NUP188: variants seen among roughly 807,000 people sequenced by gnomAD.
The protein encoded by NUP188 is nucleoporin NUP188.
In NUP188, 97 loss-of-function variants were observed where a neutral mutation model predicts 223.0. The ratio of observed to expected loss-of-function variants is 0.43; its 90% CI spans 0.37 to 0.51. The LOEUF (loss-of-function observed/expected upper bound fraction) is 0.51. Ranked by LOEUF, NUP188 falls within the 20% of genes least tolerant of loss-of-function variation. The pLI is 0.00. For missense variants in NUP188, 1,947 were observed against 2,175.6 expected (o/e 0.89, Z 2.09); for synonymous variants, 869 against 828.0 (o/e 1.05, Z -0.85).
At position 128,979,263 on chromosome 9, in the gene NUP188, A is replaced by G. The variant is rs185388689; in HGVS notation, c.1205A>G (p.Asp402Gly). The change falls in exon 13 of 44, where the codon GAT becomes GGT. Residue 402 changes from aspartate (D) to glycine (G), a missense_variant and splice_region_variant. Coordinates refer to ENST00000372577, the MANE Select transcript of NUP188 (RefSeq NM_015354.3). ...LELHTLGNQQ[D>G]IIDTACEVLA... is the part of the protein sequence containing the mutation. ...ATTTTTCTTCCCTTCCTCAAACAGG[A>G]TATAATTGATACAGCATGTGAAGTA... 9.4e-5 allele frequency: 152 copies of G among 1,609,818 alleles called. No homozygotes were observed. In the East Asian group the frequency reaches 3.1e-3, roughly 33 times the overall value.
At chr9:128,985,127 A>G (rs770924867) in intron 20 of NUP188, 113 bp downstream of exon 20, 2 of 711,548 alleles carry the variant, frequency 2.8e-6, no homozygotes, top group African/African-American at 1.8e-5. Flanking sequence ...GTCTGTAGGC[A>G]GAATAGTCAT....
chr9:128,999,026 T>C (rs1842586404), intron 32 of NUP188, 146 bp from the exon 33 acceptor site: 1 of 617,098 alleles, frequency 1.6e-6, no homozygotes, highest in Non-Finnish European at 2.8e-6. Flanking sequence ...CTAATTTTTG[T>C]ATTTTTAGTA....
chr9:128,979,219 C>A, intron 12 of NUP188, 43 bp from the exon 13 acceptor site: 2 of 1,391,782 alleles, frequency 1.4e-6, no homozygotes, highest in South Asian at 2.3e-5. Flanking sequence ...TAGACTGGTT[C>A]AGCTAGGGAA....
At chr9:129,005,055 T>G in intron 38 of NUP188, 92 bp from the exon 39 acceptor site, 1 of 826,214 alleles carries the variant, frequency 1.2e-6, no homozygotes, top group East Asian at 2.5e-5. Context: ...GAGGAGCGCA[T>G]GGGTGTTACA....
At chr9:128,965,175 T>TC (rs1333150743) in intron 8 of NUP188, among the ~76,000 whole-genome samples, 1 of 152,142 alleles carries the variant, frequency 6.6e-6, no homozygotes, top group African/African-American at 2.4e-5. Context: ...AAAATTTTTT[T>TC]ATCTCTTTTT....
intron 33 of NUP188, 133 bp downstream of exon 33, chr9:128,999,450 C>T: frequency 7.6e-7 from 1 of 1,308,800 alleles, no homozygotes; most frequent in African/African-American, 1.5e-5. Flanking sequence ...GAATTCTTAC[C>T]CCAAGAAAGC....
At chr9:128,973,896 G>GTTTA (rs945350751) in intron 12 of NUP188, among the ~76,000 whole-genome samples, 1 of 151,902 alleles carries the variant, frequency 6.6e-6, no homozygotes, top group East Asian at 1.9e-4. Context: ...TAAAATTTCT[G>GTTTA]TTTATTTATT....
chr9:128,966,248 CTGTCTCTG>C (rs368856974), intron 8 of NUP188, among the ~76,000 whole-genome samples: 5 of 128,694 alleles, frequency 3.9e-5, no homozygotes, highest in African/African-American at 1.5e-4. Context: ...CTGTCTCTGT[CTGTCTCTG>C]TGTCTGTGTG....
chr9:128,970,649 G>A, intron 10 of NUP188, 109 bp from the exon 11 acceptor site: 1 of 841,762 alleles, frequency 1.2e-6, no homozygotes, highest in Non-Finnish European at 2.0e-6. Context: ...CAGAATGAGA[G>A]AGTGAGGCCA....
At chr9:128,975,565 G>A (rs1473033225) in intron 12 of NUP188, among the ~76,000 whole-genome samples, 2 of 151,888 alleles carry the variant, frequency 1.3e-5, no homozygotes, top group African/African-American at 4.8e-5. Flanking sequence ...TGTCGCCCAG[G>A]CTGGAGAGTA....
In NUP188 at chr9:128,986,583, A is replaced by G. The variant is rs1352119444; in HGVS notation, c.2102A>G (p.Gln701Arg). The change falls in exon 21 of 44, where the codon CAA (glutamine) becomes CGA (arginine). Residue 701 changes from glutamine (Q) to arginine (R), a missense_variant. This residue lies in a region of NUP188 where 817 missense variants were observed against 865.8 expected (regional missense o/e 0.94). Transcript: ENST00000372577. ...GGGCAACTTGGTAGTACCCAGAGCCAAGGACTTGTACCCTGTGTAATGTTT... is the reference window on the plus strand; with the variant it reads ...GGGCAACTTGGTAGTACCCAGAGCCGAGGACTTGTACCCTGTGTAATGTTT... Reference protein sequence around the residue: ...VKGQLGSTQSQGLVPCVMFVL... With the variant: ...VKGQLGSTQSRGLVPCVMFVL... The G allele has an allele frequency of 3.7e-6, 6 of 1,614,006 alleles. No homozygotes were observed. The East Asian group carries it at 1.1e-4, about 30-fold the overall frequency.
In NUP188 at chr9:129,006,617, C is replaced by G; in HGVS notation, c.5189C>G (p.Pro1730Arg). ...TCCACCTCTCTCTCCAAAGCCAGCCCTGAGAGTCAGGAGCCTCTGATCCAG... is the reference window on the plus strand; with the variant it reads ...TCCACCTCTCTCTCCAAAGCCAGCCGTGAGAGTCAGGAGCCTCTGATCCAG... ...GKSTSLSKAS[P>R]ESQEPLIQLV... Residue 1730 changes from proline (P) to arginine (R), a missense_variant, in exon 44 of 44, where the codon CCT becomes CGT. Coordinates refer to ENST00000372577, the MANE Select transcript of NUP188 (RefSeq NM_015354.3). 6.2e-7 allele frequency: 1 copy of G among 1,614,228 alleles called. No homozygotes were observed. Among genetic ancestry groups the G allele is most frequent in the Non-Finnish European group, 8.5e-7 (1 of 1,180,044 alleles).
At chr9:128,974,856 T>C (rs946675182) in intron 12 of NUP188, among the ~76,000 whole-genome samples, 2 of 151,728 alleles carry the variant, frequency 1.3e-5, no homozygotes, top group Non-Finnish European at 2.9e-5. Flanking sequence ...CCCCCTGGGC[T>C]TAGATGATCC....
At chr9:128,999,513 C>A in intron 33 of NUP188, 111 bp from the exon 34 acceptor site, 1 of 1,238,534 alleles carries the variant, frequency 8.1e-7, no homozygotes, top group Middle Eastern at 1.9e-4. Context: ...CAGATGCTGT[C>A]CCTCCTAGCG....
Position 129,003,454 on chromosome 9 carries a change from G to C in NUP188, c.4434G>C (p.Gln1478His). 6.2e-7 allele frequency: 1 copy of C among 1,609,412 alleles called. No homozygotes were observed. Among genetic ancestry groups the C allele is most frequent in the East Asian group, 2.2e-5 (1 of 44,876 alleles). The change falls in exon 38 of 44, where the codon CAG becomes CAC. Residue 1478 changes from glutamine (Q) to histidine (H), a missense_variant and splice_region_variant. This residue lies in a region of NUP188 where 905 missense variants were observed against 990.6 expected (regional missense o/e 0.91). Transcript: ENST00000372577. ...FHLPQLMRDI[Q>H]VNLGYLCQAC... ...TGCCTCAGCTCATGCGTGATATCCA[G>C]GTGGGGGCCCAAGATGGTGTCTTGG...
chr9:129,006,156 T>G (rs1842795157), intron 42 of NUP188, 33 bp downstream of exon 42: 1 of 1,613,994 alleles, frequency 6.2e-7, no homozygotes, highest in Non-Finnish European at 8.5e-7. Flanking sequence ...GATAAGGGGC[T>G]GGGGCAGTCA....
intron 33 of NUP188, 110 bp from the exon 34 acceptor site, chr9:128,999,514 C>A: frequency 1.6e-6 from 2 of 1,238,716 alleles, no homozygotes; most frequent in Non-Finnish European, 2.3e-6. Context: ...AGATGCTGTC[C>A]CTCCTAGCGC....
intron 40 of NUP188, 48 bp downstream of exon 40, chr9:129,005,578 C>G: frequency 6.2e-7 from 1 of 1,610,984 alleles, no homozygotes; most frequent in Non-Finnish European, 8.5e-7. Flanking sequence ...AGGCTCTGCT[C>G]TGCTGTGTAC....
In NUP188 at chr9:129,006,760, G is replaced by A; in HGVS notation, c.*82G>A. ...GGCAGGGGTGCTGCTGGCTGCTAGG[G>A]CCTATACAATGGAGGGCACCTCCTG... On this transcript the variant is annotated 3_prime_UTR_variant, in exon 44 of 44. Coordinates refer to ENST00000372577, the MANE Select transcript of NUP188 (RefSeq NM_015354.3). 1.4e-6 allele frequency: 2 copies of A among 1,455,796 alleles called. No individual in the cohort carries two copies. Among genetic ancestry groups the A allele is most frequent in the Non-Finnish European group, 1.8e-6 (2 of 1,088,580 alleles). The allele number at this position is 1,455,796 out of a possible 1,614,324, so 90.2% of individuals were successfully genotyped here.
Sources: allele counts gnomAD v4.1 joint callset (sites outside exome capture counted in the v4.1 genomes callset), GRCh38; gene constraint gnomAD v4.1.1; regional missense constraint gnomAD v4.1.1; transcripts MANE v1.5; gene names NCBI Gene and HGNC (gene_info 2026-07-23, HGNC 2026-07-21).